Variants in STAG1 observed in about 807,000 individuals in gnomAD.
STAG1 encodes STAG1 cohesin complex component, also known as cohesin subunit SA-1.
STAG1 carries 26 observed loss-of-function variants against 170.9 expected under a neutral mutation model. The ratio of observed to expected loss-of-function variants is 0.15; its 90% CI spans 0.11 to 0.21. The LOEUF (loss-of-function observed/expected upper bound fraction) is 0.21. Among genes scored for constraint, STAG1 ranks in the 10% least tolerant of loss-of-function variants. STAG1 has a pLI of 1.00. For missense variants in STAG1, 964 were observed against 1,509.5 expected (o/e 0.64, Z 5.99); for synonymous variants, 514 against 497.7 (o/e 1.03, Z -0.44).
chr3:136,675,598 T>C (rs1435285556), intron 1 of STAG1, among the ~76,000 whole-genome samples: 1 of 152,170 alleles, frequency 6.6e-6, no homozygotes, highest in African/African-American at 2.4e-5. Flanking sequence ...CTATACAATA[T>C]AGTAGGTTTA....
At chr3:136,737,765 T>C (rs905864072) in intron 1 of STAG1, among the ~76,000 whole-genome samples, 21 of 152,136 alleles carry the variant, frequency 1.4e-4, no homozygotes, top group Non-Finnish European at 2.5e-4. Flanking sequence ...AGACAATAAA[T>C]GAGCACTTTA....
chr3:136,466,530 G>C (rs1290154586), intron 12 of STAG1, among the ~76,000 whole-genome samples: 1 of 152,198 alleles, frequency 6.6e-6, no homozygotes, highest in African/African-American at 2.4e-5. Flanking sequence ...CGTCGGATTG[G>C]TGTACCTGAA....
chr3:136,513,465 T>C (rs906130698), intron 7 of STAG1, among the ~76,000 whole-genome samples: 2 of 151,156 alleles, frequency 1.3e-5, no homozygotes, highest in South Asian at 2.1e-4. Context: ...GACAAAGAAA[T>C]GGAAAATAAA....
chr3:136,583,422 T>A (rs1937644844), intron 4 of STAG1, among the ~76,000 whole-genome samples: 1 of 152,178 alleles, frequency 6.6e-6, no homozygotes, highest in Non-Finnish European at 1.5e-5. Context: ...AATGTTATCA[T>A]GAAGCCAAGT....
chr3:136,709,138 G>T (rs1468682252), intron 1 of STAG1, among the ~76,000 whole-genome samples: 1 of 151,490 alleles, frequency 6.6e-6, no homozygotes, highest in Non-Finnish European at 1.5e-5. Context: ...AAAAATAAAA[G>T]AATTAGCTGG....
chr3:136,353,820 G>A (rs1387999385), intron 28 of STAG1, among the ~76,000 whole-genome samples: 1 of 152,224 alleles, frequency 6.6e-6, no homozygotes, highest in East Asian at 1.9e-4. Flanking sequence ...AAGGTAATTT[G>A]TAGGTAGTTA....
intron 2 of STAG1, among the ~76,000 whole-genome samples, chr3:136,630,392 T>G: frequency 2.1e-5 from 3 of 144,764 alleles, no homozygotes; most frequent in African/African-American, 7.8e-5. Flanking sequence ...GGAGGGGGGG[T>G]AGAGAAGGGG....
chr3:136,451,623 C>T (rs771995921), intron 14 of STAG1, among the ~76,000 whole-genome samples: 2 of 151,972 alleles, frequency 1.3e-5, no homozygotes, highest in African/African-American at 2.4e-5. Flanking sequence ...ATTAGCTGGG[C>T]GTGGTAGTGG....
intron 23 of STAG1, among the ~76,000 whole-genome samples, chr3:136,370,071 CTA>C (rs1560064444): frequency 2.0e-5 from 3 of 149,380 alleles, no homozygotes; most frequent in African/African-American, 7.5e-5. Flanking sequence ...CTATACTATA[CTA>C]TACTATACTA....
At chr3:136,418,091 C>T (rs572842209) in intron 20 of STAG1, 119 bp from the exon 21 acceptor site, 16 of 764,462 alleles carry the variant, frequency 2.1e-5, no homozygotes, top group African/African-American at 8.8e-5. Flanking sequence ...CACTGGCTCA[C>T]GCCTGTAATC....
intron 15 of STAG1, among the ~76,000 whole-genome samples, chr3:136,441,396 T>C (rs1436313847): frequency 6.6e-6 from 1 of 152,156 alleles, no homozygotes; most frequent in African/African-American, 2.4e-5. Flanking sequence ...AAATAAATAA[T>C]AATTACAGCT....
intron 23 of STAG1, among the ~76,000 whole-genome samples, chr3:136,369,969 T>C (rs1937234871): frequency 6.6e-6 from 1 of 152,188 alleles, no homozygotes; most frequent in Admixed American, 6.6e-5. Flanking sequence ...GCCAGTCGTA[T>C]AACAGTATAG....
At chr3:136,403,569 A>T (rs568967420) in intron 21 of STAG1, among the ~76,000 whole-genome samples, 74 of 152,270 alleles carry the variant, frequency 4.9e-4, no homozygotes, top group Non-Finnish European at 3.2e-4. Flanking sequence ...CAAGATTTGA[A>T]TTTGAAACAA....
chr3:136,399,487 A>G (rs1039961488), intron 21 of STAG1, among the ~76,000 whole-genome samples: 17 of 152,318 alleles, frequency 1.1e-4, no homozygotes, highest in Admixed American at 2.6e-4. Flanking sequence ...TAATCATACC[A>G]TATGTATTGA....
intron 9 of STAG1, among the ~76,000 whole-genome samples, chr3:136,490,928 A>G (rs1034042211): frequency 5.9e-5 from 9 of 152,116 alleles, no homozygotes; most frequent in East Asian, 3.8e-4. Context: ...TGAAATAACA[A>G]TCTTTCTGGT....
At chr3:136,393,996 G>T (rs2087080718) in intron 22 of STAG1, among the ~76,000 whole-genome samples, 1 of 152,138 alleles carries the variant, frequency 6.6e-6, no homozygotes, top group African/African-American at 2.4e-5. Context: ...CCGCCTCCTG[G>T]GTTCAATCGA....
At chr3:136,669,376 C>A (rs1456684343) in intron 1 of STAG1, among the ~76,000 whole-genome samples, 2 of 151,978 alleles carry the variant, frequency 1.3e-5, no homozygotes, top group African/African-American at 4.8e-5. Flanking sequence ...TTTTTTGAGA[C>A]GATGTCTTGC....
At position 136,540,539 on chromosome 3, in the gene STAG1, T is replaced by C. The variant is rs527901018; in HGVS notation, c.471+1580A>G. Among the ~76,000 whole-genome samples the C allele has an allele frequency of 5.9e-5, 9 of 152,160 alleles. No individual in the cohort carries two copies. The South Asian group carries it at 1.9e-3, about 32-fold the overall frequency. ...TACAGGAGTATTTTAAGTATATATT[T>C]GGCCAGGCATGGTGGCTCATGTCTG... On this transcript the variant is annotated intron_variant, in intron 6 of 33. Transcript: ENST00000383202.
intron 1 of STAG1, among the ~76,000 whole-genome samples, chr3:136,734,706 G>A (rs1934238378): frequency 6.6e-6 from 1 of 152,050 alleles, no homozygotes; most frequent in African/African-American, 2.4e-5. Context: ...TGCTTTAGGG[G>A]TGTTTTTTGT....
Sources: gnomAD v4.1 joint callset for allele counts (sites outside exome capture counted in the v4.1 genomes callset) on GRCh38, gnomAD v4.1.1 for gene constraint, MANE v1.5 for transcripts, NCBI Gene and HGNC (gene_info 2026-07-23, HGNC 2026-07-21) for gene names.